The following NLGN1 variants were observed in gnomAD, a reference collection of about 807,000 sequenced individuals.
The protein encoded by NLGN1 is neuroligin 1, also known as neuroligin-1.
In NLGN1, 12 loss-of-function variants were observed where a neutral mutation model predicts 65.5. That is an observed-to-expected ratio of 0.18 (90% CI 0.12 to 0.30). NLGN1 has a LOEUF of 0.30. Among genes scored for constraint, NLGN1 ranks in the 10% least tolerant of loss-of-function variants. The pLI is 1.00. For missense variants in NLGN1, 750 were observed against 1,007.1 expected, an observed-to-expected ratio of 0.74 and a Z score of 3.46; for synonymous variants, 350 against 359.5, an observed-to-expected ratio of 0.97 and a Z score of 0.30.
intron 3 of NLGN1, among the ~76,000 whole-genome samples, chr3:173,792,646 CAT>C (rs1199444022): frequency 6.6e-6 from 1 of 151,886 alleles, no homozygotes; most frequent in African/African-American, 2.4e-5. Flanking sequence ...AAAAAAAAGA[CAT>C]ATTTTGGAAA....
intron 4 of NLGN1, among the ~76,000 whole-genome samples, chr3:173,989,942 A>G (rs1720748967): frequency 1.3e-5 from 2 of 152,172 alleles, no homozygotes; most frequent in South Asian, 2.1e-4. Context: ...CTCTGTGGGC[A>G]TACCTGGATC....
intron 2 of NLGN1, among the ~76,000 whole-genome samples, chr3:173,592,016 T>C (rs556776604): frequency 7.2e-5 from 11 of 152,306 alleles, no homozygotes; most frequent in African/African-American, 2.6e-4. Context: ...GGGTCATCAA[T>C]TGGTTTTAAA....
intron 4 of NLGN1, among the ~76,000 whole-genome samples, chr3:174,272,328 A>G (rs1163426098): frequency 6.6e-6 from 1 of 151,766 alleles, no homozygotes; most frequent in Non-Finnish European, 1.5e-5. Flanking sequence ...TTAAATGACT[A>G]CTTCACTAGA....
intron 4 of NLGN1, among the ~76,000 whole-genome samples, chr3:174,061,894 T>C (rs1292439472): frequency 6.6e-6 from 1 of 152,112 alleles, no homozygotes; most frequent in East Asian, 1.9e-4. Flanking sequence ...CTCACAAGCT[T>C]ACATATGGAG....
chr3:173,687,416 T>C (rs1764842774), intron 3 of NLGN1, among the ~76,000 whole-genome samples: 1 of 152,216 alleles, frequency 6.6e-6, no homozygotes, highest in East Asian at 1.9e-4. Flanking sequence ...TGCCTATACA[T>C]AGAATCACTA....
chr3:173,960,419 G>A (rs964347072), intron 4 of NLGN1, among the ~76,000 whole-genome samples: 11 of 151,740 alleles, frequency 7.2e-5, no homozygotes, highest in African/African-American at 2.7e-4. Flanking sequence ...TGGAATTTTT[G>A]TTTCTCCTTT....
intron 2 of NLGN1, among the ~76,000 whole-genome samples, chr3:173,544,761 A>G (rs1222107221): frequency 2.0e-5 from 3 of 152,146 alleles, no homozygotes; most frequent in Non-Finnish European, 2.9e-5. Flanking sequence ...AGTTCATGTT[A>G]TAATCAAGAA....
chr3:174,194,088 C>A, intron 4 of NLGN1, among the ~76,000 whole-genome samples: 1 of 67,438 alleles, frequency 1.5e-5, no homozygotes, highest in East Asian at 6.6e-4. Flanking sequence ...AAAGAAACTG[C>A]AATATTTTTT....
chr3:173,539,921 G>A (rs1032887900), intron 2 of NLGN1, among the ~76,000 whole-genome samples: 13 of 112,982 alleles, frequency 1.2e-4, no homozygotes, highest in African/African-American at 2.8e-4. Flanking sequence ...TATAACATAC[G>A]TGTGTGTGTG....
chr3:173,409,726 C>A (rs963031029), intron 1 of NLGN1, among the ~76,000 whole-genome samples: 5 of 152,146 alleles, frequency 3.3e-5, no homozygotes, highest in African/African-American at 1.2e-4. Flanking sequence ...ATATCAGCAA[C>A]CAACACTCTA....
chr3:173,677,367 A>G (rs887363287), intron 3 of NLGN1, among the ~76,000 whole-genome samples: 1 of 152,034 alleles, frequency 6.6e-6, no homozygotes, highest in Admixed American at 6.6e-5. Context: ...ATAATATGTT[A>G]GCCTTTCTTG....
At chr3:173,435,042 A>G (rs1427742311) in exon 2 of NLGN1, 2 of 152,610 alleles carry the variant, frequency 1.3e-5, no homozygotes, top group African/African-American at 4.8e-5. Context: ...CAAGTTCCAA[A>G]TTTGTGACAA....
chr3:173,934,314 A>G (rs1015314120), intron 4 of NLGN1, among the ~76,000 whole-genome samples: 1 of 149,464 alleles, frequency 6.7e-6, no homozygotes, highest in Non-Finnish European at 1.5e-5. Context: ...TTATTTAATA[A>G]TAAACCATTA....
At chr3:173,514,232 T>A (rs868215826) in intron 2 of NLGN1, among the ~76,000 whole-genome samples, 2 of 152,214 alleles carry the variant, frequency 1.3e-5, no homozygotes, top group African/African-American at 2.4e-5. Context: ...TTGAGATTTT[T>A]AAAAATGTTT....
chr3:174,181,776 A>AAGACAC (rs1280238809), intron 4 of NLGN1, among the ~76,000 whole-genome samples: 1 of 78,516 alleles, frequency 1.3e-5, no homozygotes, highest in African/African-American at 6.4e-5. Context: ...AAAAAATAAA[A>AAGACAC]ATACACACAC....
intron 3 of NLGN1, among the ~76,000 whole-genome samples, chr3:173,761,192 T>C (rs764807393): frequency 3.9e-5 from 6 of 152,024 alleles, no homozygotes; most frequent in Non-Finnish European, 8.8e-5. Context: ...TCAATACTTA[T>C]ATTACCATAT....
intron 4 of NLGN1, among the ~76,000 whole-genome samples, chr3:173,829,091 C>T (rs1721946221): frequency 6.6e-6 from 1 of 152,038 alleles, no homozygotes. Flanking sequence ...CTGCAATAAT[C>T]CAGGCACAAT....
At chr3:173,424,692 C>T (rs1397051202) in intron 1 of NLGN1, among the ~76,000 whole-genome samples, 1 of 152,168 alleles carries the variant, frequency 6.6e-6, no homozygotes, top group Admixed American at 6.5e-5. Context: ...CCAAAAAGTT[C>T]CTTATCTCCT....
chr3:173,952,151 T>C (rs1325737901), intron 4 of NLGN1, among the ~76,000 whole-genome samples: 1 of 152,152 alleles, frequency 6.6e-6, no homozygotes, highest in East Asian at 1.9e-4. Flanking sequence ...ATAGCAAACT[T>C]CCTGCAGGTC....
Sources: gnomAD v4.1 joint callset for allele counts (sites outside exome capture counted in the v4.1 genomes callset) on GRCh38, gnomAD v4.1.1 for gene constraint, MANE v1.5 for transcripts, NCBI Gene and HGNC (gene_info 2026-07-23, HGNC 2026-07-21) for gene names.